DDX10: variants seen among roughly 807,000 people sequenced by gnomAD.
The protein encoded by DDX10 is DEAD-box helicase 10, also known as probable ATP-dependent RNA helicase DDX10.
Under a neutral mutation model 104.3 loss-of-function variants are expected in DDX10, and 74 were observed. That is an observed-to-expected ratio of 0.71 (90% confidence interval 0.59 to 0.86). DDX10 has a LOEUF of 0.86. DDX10 is among the 40% of genes least tolerant of loss of function. The pLI, the probability that DDX10 is intolerant of heterozygous loss-of-function variation, is 0.00. For missense variants in DDX10, 952 were observed against 1,040.0 expected (o/e 0.92, Z 1.16); for synonymous variants, 351 against 353.4 (o/e 0.99, Z 0.08).
intron 13 of DDX10, among the ~76,000 whole-genome samples, chr11:108,759,738 T>A (rs773764645): frequency 3.1e-4 from 47 of 152,084 alleles, no homozygotes; most frequent in Admixed American, 1.1e-3. Context: ...ATGGATAATA[T>A]CTCACGACTA....
chr11:108,797,132 G>A (rs1861953734), intron 13 of DDX10, among the ~76,000 whole-genome samples: 1 of 151,910 alleles, frequency 6.6e-6, no homozygotes, highest in Admixed American at 6.6e-5. Context: ...CTCCTGGGTT[G>A]AAGCAATTCT....
chr11:108,742,317 C>T (rs1002760646), intron 13 of DDX10, among the ~76,000 whole-genome samples: 1 of 151,462 alleles, frequency 6.6e-6, no homozygotes, highest in African/African-American at 2.4e-5. Context: ...CCTGTAATCC[C>T]AGCACTTTGG....
chr11:108,807,831 A>G (rs1862121153), intron 13 of DDX10, among the ~76,000 whole-genome samples: 1 of 152,202 alleles, frequency 6.6e-6, no homozygotes, highest in African/African-American at 2.4e-5. Context: ...AGAAGGCTGG[A>G]AATAGTACCT....
chr11:108,917,639 A>G (rs564896128), intron 16 of DDX10, among the ~76,000 whole-genome samples: 103 of 152,322 alleles, frequency 6.8e-4, no homozygotes, highest in African/African-American at 2.5e-3. Flanking sequence ...TATTGTGTTT[A>G]AAGGACTGAA....
At chr11:108,871,405 T>C (rs996908561) in intron 16 of DDX10, among the ~76,000 whole-genome samples, 3 of 152,246 alleles carry the variant, frequency 2.0e-5, no homozygotes, top group African/African-American at 7.2e-5. Context: ...CATAAGCTCC[T>C]GCTGGTAGAA....
intron 16 of DDX10, among the ~76,000 whole-genome samples, chr11:108,914,064 A>G (rs1024698263): frequency 6.6e-6 from 1 of 152,234 alleles, no homozygotes; most frequent in Non-Finnish European, 1.5e-5. Context: ...GAGTCACATT[A>G]AAACAAATCC....
rs562444668 is a variant in DDX10, at chr11:108,839,345, T to G, written c.2085+780T>G. On this transcript the variant is annotated intron_variant, in intron 14 of 17. Coordinates refer to ENST00000322536, the MANE Select transcript of DDX10 (RefSeq NM_004398.4). ...CCTCATTTCTCTCACCCTGCCTCAC[T>G]TTTCTTGACAGCACTTACTTTGTGA... Among the ~76,000 whole-genome samples, 5 of 152,304 alleles carry G rather than the reference T, an allele frequency of 3.3e-5. No homozygotes were observed. In the South Asian group the frequency reaches 1.0e-3, roughly 32 times the overall value.
intron 10 of DDX10, among the ~76,000 whole-genome samples, chr11:108,715,358 A>G (rs2094290018): frequency 6.6e-6 from 1 of 152,122 alleles, no homozygotes; most frequent in Admixed American, 6.6e-5. Context: ...TGCAAAAGAA[A>G]AAGCAAACAA....
At chr11:108,708,461 G>A (rs1426239722) in intron 10 of DDX10, among the ~76,000 whole-genome samples, 1 of 148,686 alleles carries the variant, frequency 6.7e-6, no homozygotes, top group Non-Finnish European at 1.5e-5. Flanking sequence ...CTAATATTTT[G>A]TTAGATTTAT....
At chr11:108,733,563 T>A (rs2094314846) in intron 13 of DDX10, among the ~76,000 whole-genome samples, 1 of 152,202 alleles carries the variant, frequency 6.6e-6, no homozygotes, top group African/African-American at 2.4e-5. Flanking sequence ...CTTACTTCCT[T>A]GCCTAATGTT....
At chr11:108,787,522 A>G (rs528142206) in intron 13 of DDX10, among the ~76,000 whole-genome samples, 4 of 151,980 alleles carry the variant, frequency 2.6e-5, no homozygotes. Context: ...CATATTACTC[A>G]GTGGTGTTTT....
At chr11:108,777,147 A>G (rs1490174736) in intron 13 of DDX10, among the ~76,000 whole-genome samples, 1 of 152,196 alleles carries the variant, frequency 6.6e-6, no homozygotes, top group African/African-American at 2.4e-5. Context: ...GCTGTCCTTC[A>G]GTTTCTGCCT....
intron 4 of DDX10, 22 bp downstream of exon 4, chr11:108,677,265 C>T (rs371614766): frequency 1.9e-6 from 3 of 1,599,296 alleles, no homozygotes; most frequent in Non-Finnish European, 2.6e-6. Context: ...TGTCTATGTC[C>T]TTCCTTTCCT....
rs1241637578 is a variant in DDX10, at chr11:108,910,119, TGGAG to T, written c.2305-7753_2305-7750del. On this transcript the variant is annotated intron_variant, in intron 16 of 17. Coordinates refer to ENST00000322536, the MANE Select transcript of DDX10 (RefSeq NM_004398.4). ...GCTTGGGGGCCAAGGATAAGGAAAGTGGAGATTACCACATGTAAGGTATCATAGG... is the reference window on the plus strand; with the variant it reads ...GCTTGGGGGCCAAGGATAAGGAAAGTATTACCACATGTAAGGTATCATAGG... Among the ~76,000 whole-genome samples the T allele has an allele frequency of 9.2e-4, 136 of 148,088 alleles. 1 individual carries two copies. The highest frequency in any genetic ancestry group is 3.3e-3 in the African/African-American group (133 of 40,404).
chr11:108,845,662 GAA>G, intron 15 of DDX10, among the ~76,000 whole-genome samples: 1 of 151,170 alleles, frequency 6.6e-6, no homozygotes, highest in Non-Finnish European at 1.5e-5. Context: ...TTTTGCATAT[GAA>G]AAAAAAACTT....
intron 8 of DDX10, among the ~76,000 whole-genome samples, chr11:108,693,107 A>C (rs992290523): frequency 3.3e-5 from 5 of 151,520 alleles, no homozygotes; most frequent in South Asian, 4.2e-4. Context: ...CCACTCTTCA[A>C]CTCCCACTTA....
At position 108,830,598 on chromosome 11, in the gene DDX10, TA is replaced by T. The variant is rs555767116; in HGVS notation, c.1966-7844del. Among the ~76,000 whole-genome samples the T allele has an allele frequency of 1.2e-4, 19 of 152,328 alleles. No individual in the cohort carries two copies. The South Asian group carries it at 3.7e-3, about 30-fold the overall frequency. ...CTAGTACTGTGTTGAATAGAAGTGG[TA>T]AAAGTGGGCATCCTTGTCTTGTTCC... On this transcript the variant is annotated intron_variant, in intron 13 of 17. Coordinates refer to ENST00000322536, the MANE Select transcript of DDX10 (RefSeq NM_004398.4).
intron 13 of DDX10, among the ~76,000 whole-genome samples, chr11:108,730,627 G>A (rs1041647451): frequency 1.7e-4 from 26 of 152,272 alleles, no homozygotes; most frequent in African/African-American, 5.8e-4. Context: ...TTCACCTCAT[G>A]ACTTACAGTG....
intron 16 of DDX10, among the ~76,000 whole-genome samples, chr11:108,910,749 G>C (rs946966602): frequency 8.5e-5 from 10 of 117,448 alleles, no homozygotes; most frequent in Non-Finnish European, 1.3e-4. Context: ...GTGTGTGTGT[G>C]TGTGTGTGTG....
Sources: gnomAD v4.1 joint callset for allele counts (sites outside exome capture counted in the v4.1 genomes callset) on GRCh38, gnomAD v4.1.1 for gene constraint, MANE v1.5 for transcripts, NCBI Gene and HGNC (gene_info 2026-07-23, HGNC 2026-07-21) for gene names.